CCDC38: variants seen among roughly 807,000 people sequenced by gnomAD.
CCDC38 encodes coiled-coil domain-containing protein 38.
A neutral mutation model predicts 72.8 loss-of-function variants in CCDC38; 69 were observed. That is an observed-to-expected ratio of 0.95 (90% CI 0.78 to 1.16). The LOEUF (loss-of-function observed/expected upper bound fraction) is 1.16. Among genes scored for constraint, CCDC38 ranks in the 50% most tolerant of loss-of-function variants. The probability of loss-of-function intolerance (pLI) is 0.00; values close to 1 mark genes in which losing one functional copy is unlikely to be tolerated. For synonymous variants in CCDC38, 201 were observed against 213.2 expected (o/e 0.94, Z 0.50); for missense variants, 626 against 638.9 (o/e 0.98, Z 0.22).
intron 1 of CCDC38, among the ~76,000 whole-genome samples, chr12:95,937,260 C>T (rs1210174528): frequency 6.6e-6 from 1 of 152,194 alleles, no homozygotes; most frequent in East Asian, 1.9e-4. Flanking sequence ...ACTCTACTCA[C>T]CCAAATCCTG....
At chr12:95,880,998 A>T (rs1273492163) in intron 11 of CCDC38, among the ~76,000 whole-genome samples, 1 of 152,100 alleles carries the variant, frequency 6.6e-6, no homozygotes, top group Admixed American at 6.5e-5. Context: ...ACAATTTTTT[A>T]AAAAGATGAC....
intron 2 of CCDC38, among the ~76,000 whole-genome samples, chr12:95,920,205 TC>T (rs1230483677): frequency 2.6e-5 from 4 of 152,168 alleles, no homozygotes; most frequent in African/African-American, 9.7e-5. Flanking sequence ...GTTGAGGGGT[TC>T]TTTCTTGTGC....
Position 95,895,116 on chromosome 12 carries a change from C to A in CCDC38, c.645G>T (p.Arg215Ser). The change falls in exon 8 of 16, where the codon AGG becomes AGT. Residue 215 changes from arginine (R) to serine (S), a missense_variant. By Grantham distance (110) the Arg-to-Ser change is moderately radical. Transcript: ENST00000344280. ...SEIAKTEFLL[R>S]EYMKYGFFLL... is the part of the protein sequence containing the mutation. Reference sequence around the variant, plus strand: ...GAAAAAAACCATATTTCATATACTCCCTGAGGAGGAATTCTGTTTTTGCTA... The same window carrying A: ...GAAAAAAACCATATTTCATATACTCACTGAGGAGGAATTCTGTTTTTGCTA... 6.2e-7 allele frequency: 1 copy of A among 1,608,936 alleles called. No homozygotes were observed. The highest frequency in any genetic ancestry group is 8.5e-7 in the Non-Finnish European group (1 of 1,178,436).
At chr12:95,908,437 C>T (rs559460741) in intron 4 of CCDC38, among the ~76,000 whole-genome samples, 10 of 56,604 alleles carry the variant, frequency 1.8e-4, no homozygotes, top group East Asian at 5.6e-4. Flanking sequence ...AGAGGGAGAC[C>T]GTGGAAAGAG....
At chr12:95,906,812 ATTT>A (rs1263837663) in intron 4 of CCDC38, among the ~76,000 whole-genome samples, 5 of 124,120 alleles carry the variant, frequency 4.0e-5, no homozygotes, top group Non-Finnish European at 8.6e-5. Flanking sequence ...TTATTTATTT[ATTT>A]ATTTATTTAT....
intron 4 of CCDC38, among the ~76,000 whole-genome samples, chr12:95,915,383 T>C (rs2080134178): frequency 6.6e-6 from 1 of 152,112 alleles, no homozygotes; most frequent in Non-Finnish European, 1.5e-5. Flanking sequence ...ATCCCAGGTG[T>C]TGTGCTTTGA....
At chr12:95,915,787 A>C (rs562296870) in intron 4 of CCDC38, among the ~76,000 whole-genome samples, 1 of 152,176 alleles carries the variant, frequency 6.6e-6, no homozygotes, top group Non-Finnish European at 1.5e-5. Flanking sequence ...ACAGAGCCCA[A>C]ATTGCCTTGG....
chr12:95,933,775 A>C (rs2080362329), intron 2 of CCDC38: 1 of 152,216 alleles, frequency 6.6e-6, no homozygotes, highest in South Asian at 2.1e-4. Context: ...AAACAACCCA[A>C]ATACCCAAAG....
At position 95,879,423 on chromosome 12, in the gene CCDC38, GA is replaced by G. The variant is rs1277979420; in HGVS notation, c.1142+220del. On this transcript the variant is annotated intron_variant, in intron 12 of 15. Transcript: ENST00000344280. The surrounding 1 kb of genome is among the most constrained non-coding windows in gnomAD (Gnocchi z 5.5). ...AAGTATCTTTTATTATTACTAGTAG[GA>G]AAATACGTTGACAAGTGAAAGGAAG... Among the ~76,000 whole-genome samples, 1 of 152,098 alleles carries G rather than the reference GA, an allele frequency of 6.6e-6. No homozygotes were observed. Among genetic ancestry groups the G allele is most frequent in the Non-Finnish European group, 1.5e-5 (1 of 68,022 alleles).
At chr12:95,907,423 C>G (rs1329380405) in intron 4 of CCDC38, among the ~76,000 whole-genome samples, 4 of 133,038 alleles carry the variant, frequency 3.0e-5, no homozygotes, top group Admixed American at 1.4e-4. Flanking sequence ...CCCCTCACCT[C>G]CCGGACGGGG....
intron 10 of CCDC38, among the ~76,000 whole-genome samples, chr12:95,887,430 A>C (rs1565946993): frequency 6.6e-6 from 1 of 152,248 alleles, no homozygotes; most frequent in Admixed American, 6.5e-5. Context: ...AATAAAAAGG[A>C]TCCAACTACT....
chr12:95,928,634 G>A lies in CCDC38; in HGVS notation c.37+7839C>T, dbSNP rs1007709663. Among the ~76,000 whole-genome samples the A allele has an allele frequency of 2.3e-4, 35 of 152,198 alleles. 1 individual carries two copies. Among genetic ancestry groups the A allele is most frequent in the Non-Finnish European group, 1.9e-4 (13 of 68,026 alleles). ...GGCGCTCTGCTTTTTAGAGTTTCCA[G>A]TTTTTCTGTTCTGTTTTTTCCCCAT... On this transcript the variant is annotated intron_variant, in intron 2 of 15. Coordinates refer to ENST00000344280, the MANE Select transcript of CCDC38 (RefSeq NM_182496.3).
chr12:95,897,335 G>A (rs979053282), intron 7 of CCDC38, among the ~76,000 whole-genome samples: 12 of 152,092 alleles, frequency 7.9e-5, no homozygotes, highest in Admixed American at 2.6e-4. Flanking sequence ...TAGGCCGGGC[G>A]CGGTGACTCA....
intron 5 of CCDC38, among the ~76,000 whole-genome samples, chr12:95,905,023 G>C (rs1440047096): frequency 1.3e-5 from 2 of 152,140 alleles, no homozygotes; most frequent in African/African-American, 2.4e-5. Flanking sequence ...AGTCGCTTAT[G>C]TAAAATGGAA....
At chr12:95,894,582 G>T (rs1276448363) in intron 8 of CCDC38, among the ~76,000 whole-genome samples, 1 of 152,086 alleles carries the variant, frequency 6.6e-6, no homozygotes. Flanking sequence ...TTGTTGAAAA[G>T]AGCCTGGCAC....
chr12:95,914,777 C>T (rs1424868851), intron 4 of CCDC38, among the ~76,000 whole-genome samples: 1 of 152,076 alleles, frequency 6.6e-6, no homozygotes, highest in Non-Finnish European at 1.5e-5. Flanking sequence ...CCGCTCCTCA[C>T]ACCCTATACC....
intron 5 of CCDC38, among the ~76,000 whole-genome samples, chr12:95,905,424 T>C (rs1281118730): frequency 2.0e-5 from 3 of 152,218 alleles, no homozygotes; most frequent in African/African-American, 7.2e-5. Flanking sequence ...GTTATGTCAG[T>C]AGGACTTTAT....
At chr12:95,930,722 T>C (rs1326735926) in intron 2 of CCDC38, among the ~76,000 whole-genome samples, 1 of 152,152 alleles carries the variant, frequency 6.6e-6, no homozygotes, top group Non-Finnish European at 1.5e-5. Flanking sequence ...GCAATGTACA[T>C]CAAATTCCAC....
intron 2 of CCDC38, among the ~76,000 whole-genome samples, chr12:95,927,828 G>T (rs1348079865): frequency 1.3e-5 from 2 of 148,992 alleles, no homozygotes; most frequent in Admixed American, 1.4e-4. Flanking sequence ...GAAATTCTGG[G>T]TTGAAAATTC....
Sources: gnomAD v4.1 joint callset for allele counts (sites outside exome capture counted in the v4.1 genomes callset) on GRCh38, gnomAD v4.1.1 for gene constraint, Gnocchi (gnomAD v3.1) non-coding constraint, MANE v1.5 for transcripts, NCBI Gene and HGNC (gene_info 2026-07-23, HGNC 2026-07-21) for gene names.